Variants in SLC24A3 observed in about 807,000 individuals in gnomAD.
The protein encoded by SLC24A3 is solute carrier family 24 member 3, also known as sodium/potassium/calcium exchanger 3.
Under a neutral mutation model 75.8 loss-of-function variants are expected in SLC24A3, and 28 were observed. The observed-to-expected ratio is 0.37, with a 90% CI of 0.27 to 0.51. The LOEUF is 0.51. Among genes scored for constraint, SLC24A3 ranks in the 20% least tolerant of loss-of-function variants. The pLI, the probability that SLC24A3 is intolerant of heterozygous loss-of-function variation, is 0.94. For missense variants in SLC24A3, 663 were observed against 847.8 expected, an observed-to-expected ratio of 0.78 and a Z score of 2.71; for synonymous variants, 372 against 334.1, an observed-to-expected ratio of 1.11 and a Z score of -1.24.
chr20:19,666,968 A>G (rs1005877823), intron 8 of SLC24A3, among the ~76,000 whole-genome samples: 1 of 152,220 alleles, frequency 6.6e-6, no homozygotes, highest in Non-Finnish European at 1.5e-5. Flanking sequence ...GAGGTAAGCA[A>G]TGTGAAATAA....
intron 12 of SLC24A3, among the ~76,000 whole-genome samples, chr20:19,688,615 G>C (rs1157142559): frequency 6.6e-6 from 1 of 152,210 alleles, no homozygotes; most frequent in African/African-American, 2.4e-5. Context: ...TCAAGTTCCT[G>C]TGGACTGAAA....
rs1233507078 is a variant in SLC24A3 at position 19,361,872 on chromosome 20, A to G, written c.271+80785A>G. On this transcript the variant is annotated intron_variant, in intron 2 of 16. Coordinates refer to ENST00000328041, the MANE Select transcript of SLC24A3 (RefSeq NM_020689.4). ...ATACATATCTTAAAATTTTCCTAAT[A>G]AAATATTCCAAAAGAAAATCTAGGC... Among the ~76,000 whole-genome samples the G allele has an allele frequency of 2.6e-5, 4 of 152,232 alleles. No homozygotes were observed. The East Asian group carries it at 7.7e-4, about 29-fold the overall frequency.
chr20:19,316,434 G>A (rs532100221), intron 2 of SLC24A3, among the ~76,000 whole-genome samples: 1 of 152,260 alleles, frequency 6.6e-6, no homozygotes, highest in Non-Finnish European at 1.5e-5. Flanking sequence ...ATCAGGGTTT[G>A]CTCCACCTCC....
chr20:19,463,841 G>A (rs753297647), intron 2 of SLC24A3, among the ~76,000 whole-genome samples: 23 of 152,232 alleles, frequency 1.5e-4, no homozygotes, highest in South Asian at 2.1e-4. Context: ...AGGGTTCAGC[G>A]CAGGTTGCAC....
intron 7 of SLC24A3, among the ~76,000 whole-genome samples, chr20:19,663,434 CGCCTTCTCATCCTCCTCCACT>C (rs1568689573): frequency 1.5e-4 from 3 of 19,844 alleles, no homozygotes; most frequent in Non-Finnish European, 2.8e-4. Flanking sequence ...CCTCCTCCTC[CGCCTTCTCATCCTCCTCCACT>C]TCCTCCTCCT....
In SLC24A3 at chr20:19,390,365, A is replaced by G. The variant is rs559507032; in HGVS notation, c.271+109278A>G. Among the ~76,000 whole-genome samples, 12 of 152,280 alleles carry G rather than the reference A, an allele frequency of 7.9e-5. No homozygotes were observed. In the South Asian group the frequency reaches 2.5e-3, roughly 32 times the overall value. ...CAGCTGATCCAGAGATGCTCAATGG[A>G]CCATCTGGTGTGGTCCATGGGTGGG... On this transcript the variant is annotated intron_variant, in intron 2 of 16. Transcript: ENST00000328041.
At chr20:19,426,750 G>A (rs1987013016) in intron 2 of SLC24A3, among the ~76,000 whole-genome samples, 1 of 152,156 alleles carries the variant, frequency 6.6e-6, no homozygotes, top group Non-Finnish European at 1.5e-5. Context: ...CTTGGGGAAT[G>A]GATTTGAGAG....
At chr20:19,634,826 G>T (rs537194831) in intron 6 of SLC24A3, among the ~76,000 whole-genome samples, 3 of 152,230 alleles carry the variant, frequency 2.0e-5, no homozygotes, top group South Asian at 4.2e-4. Flanking sequence ...GGTGATGGTT[G>T]CAGGGGTATA....
chr20:19,403,725 G>A (rs189795382), intron 2 of SLC24A3, among the ~76,000 whole-genome samples: 23 of 152,240 alleles, frequency 1.5e-4, no homozygotes, highest in Admixed American at 1.2e-3. Flanking sequence ...GGCATTCCAG[G>A]TAGAGGGAAC....
Position 19,544,490 on chromosome 20 carries a change from G to A in SLC24A3, c.348+28926G>A, listed in dbSNP as rs577535814. Reference sequence around the variant, plus strand: ...AGTAACGTGAAATTCTAGCGCTTGTGTACAGATGTGGGAGGGGAAGCCTGA... The same window carrying A: ...AGTAACGTGAAATTCTAGCGCTTGTATACAGATGTGGGAGGGGAAGCCTGA... On this transcript the variant is annotated intron_variant, in intron 3 of 16. Coordinates refer to ENST00000328041, the MANE Select transcript of SLC24A3 (RefSeq NM_020689.4). Among the ~76,000 whole-genome samples the A allele has an allele frequency of 2.0e-5, 3 of 152,300 alleles. No homozygotes were observed. In the South Asian group the frequency reaches 6.2e-4, roughly 32 times the overall value.
At chr20:19,259,403 G>A (rs1277769921) in intron 1 of SLC24A3, among the ~76,000 whole-genome samples, 4 of 152,212 alleles carry the variant, frequency 2.6e-5, no homozygotes, top group Admixed American at 6.5e-5. Context: ...GCTTGGCCAT[G>A]TGTTGGCACC....
intron 6 of SLC24A3, among the ~76,000 whole-genome samples, chr20:19,620,292 G>C (rs929925149): frequency 6.6e-5 from 10 of 152,210 alleles, no homozygotes; most frequent in African/African-American, 2.4e-4. Flanking sequence ...GATGATTGGG[G>C]AGTCTTAAGT....
chr20:19,678,478 T>C (rs1486442797), intron 9 of SLC24A3, among the ~76,000 whole-genome samples: 2 of 86,170 alleles, frequency 2.3e-5, no homozygotes, highest in Admixed American at 1.3e-4. Context: ...ACCCCCCACC[T>C]CCCTCCCGGA....
chr20:19,627,156 A>G (rs183694174), intron 6 of SLC24A3, among the ~76,000 whole-genome samples: 24 of 152,340 alleles, frequency 1.6e-4, no homozygotes, highest in African/African-American at 3.4e-4. Flanking sequence ...AGATCTGACG[A>G]AGTGAAAGTA....
chr20:19,353,048 G>A (rs538005129), intron 2 of SLC24A3, among the ~76,000 whole-genome samples: 10 of 152,270 alleles, frequency 6.6e-5, no homozygotes, highest in Admixed American at 4.6e-4. Flanking sequence ...GTGCACTGTC[G>A]TGCTATACAG....
intron 2 of SLC24A3, among the ~76,000 whole-genome samples, chr20:19,514,615 AC>A (rs2029947984): frequency 6.6e-6 from 1 of 152,054 alleles, no homozygotes; most frequent in Non-Finnish European, 1.5e-5. Flanking sequence ...TATCGGAGGG[AC>A]CACAGGAGGC....
chr20:19,472,884 G>A (rs1987898219), intron 2 of SLC24A3, among the ~76,000 whole-genome samples: 1 of 152,228 alleles, frequency 6.6e-6, no homozygotes, highest in Non-Finnish European at 1.5e-5. Context: ...CCCTGCGGCT[G>A]CATACAGGGC....
chr20:19,477,560 A>G (rs756582750), intron 2 of SLC24A3, among the ~76,000 whole-genome samples: 7 of 152,176 alleles, frequency 4.6e-5, no homozygotes, highest in Non-Finnish European at 8.8e-5. Context: ...ACAGAGAGAG[A>G]TCAGTGCTTC....
chr20:19,631,235 T>C (rs2031928996), intron 6 of SLC24A3, among the ~76,000 whole-genome samples: 1 of 152,184 alleles, frequency 6.6e-6, no homozygotes, highest in African/African-American at 2.4e-5. Context: ...TAGTACCACA[T>C]GTAGACCCAG....
Sources: gnomAD v4.1 joint callset for allele counts (sites outside exome capture counted in the v4.1 genomes callset) on GRCh38, gnomAD v4.1.1 for gene constraint, MANE v1.5 for transcripts, NCBI Gene and HGNC (gene_info 2026-07-23, HGNC 2026-07-21) for gene names.